The following ANGPT4 variants were observed in gnomAD, a reference collection of about 807,000 sequenced individuals.
ANGPT4 encodes the protein angiopoietin-4.
A neutral mutation model predicts 53.0 loss-of-function variants in ANGPT4; 50 were observed. The ratio of observed to expected loss-of-function variants is 0.94; its 90% CI spans 0.75 to 1.20. The LOEUF (loss-of-function observed/expected upper bound fraction) is 1.20, where lower values mean the gene tolerates loss of function less well. Among genes scored for constraint, ANGPT4 ranks in the 50% most tolerant of loss-of-function variants. The pLI is 0.00. For missense variants in ANGPT4, 648 were observed against 637.1 expected (o/e 1.02, Z -0.18); for synonymous variants, 251 against 259.7 (o/e 0.97, Z 0.32).
rs966864968 is a variant in ANGPT4, at chr20:902,341, A to T, written c.310-11973T>A. On this transcript the variant is annotated intron_variant, in intron 1 of 8. Transcript: ENST00000381922. ...TTCAAGGAACCTGTAAACTTGCATT[A>T]AAAAAAAAAGGACATGCTTTTCCCA... 1.0e-4 allele frequency among the ~76,000 whole-genome samples: 14 copies of T among 134,652 alleles called. 1 individual carries two copies. The highest frequency in any genetic ancestry group is 1.5e-5 in the Non-Finnish European group (1 of 66,266). The allele number at this position is 134,652 out of a possible 152,430, so 88.3% of individuals were successfully genotyped here. A position where few individuals can be genotyped will look rare whatever the true frequency, so the allele number is the denominator to read the frequency against.
chr20:885,319 G>A lies in ANGPT4; in HGVS notation c.594C>T (p.Leu198=), dbSNP rs952622950. 3 of 1,580,482 alleles carry A rather than the reference G, an allele frequency of 1.9e-6. No individual in the cohort carries two copies. The highest frequency in any genetic ancestry group is 2.3e-5 in the South Asian group (2 of 87,692). Residue 198 remains leucine, a synonymous_variant, in exon 4 of 9, where the codon CTC becomes CTT. Coordinates refer to ENST00000381922, the MANE Select transcript of ANGPT4 (RefSeq NM_015985.4). ...TCTCCAGGGCCTGCAACCGCTTCTC[G>A]AGCGCGCTGCGGGGTAGGGGGCGCA... ...LQQLQGQNSA[L]EKRLQALETK... is the part of the protein sequence containing the mutation.
chr20:893,296 C>T (rs370491790), intron 1 of ANGPT4, among the ~76,000 whole-genome samples: 5 of 152,204 alleles, frequency 3.3e-5, no homozygotes, highest in South Asian at 2.1e-4. Context: ...CACACTCTTA[C>T]GGTATCTTAA....
At chr20:910,374 C>T (rs1348923450) in intron 1 of ANGPT4, among the ~76,000 whole-genome samples, 2 of 152,250 alleles carry the variant, frequency 1.3e-5, no homozygotes, top group South Asian at 2.1e-4. Context: ...CTGGGAGGCA[C>T]GAGTATTTTG....
At chr20:882,366 G>A (rs956988916) in intron 4 of ANGPT4, among the ~76,000 whole-genome samples, 1 of 152,178 alleles carries the variant, frequency 6.6e-6, no homozygotes, top group Admixed American at 6.5e-5. Flanking sequence ...CCAGGATGGG[G>A]CTAAAATTCC....
chr20:905,218 C>G (rs992284773), intron 1 of ANGPT4, among the ~76,000 whole-genome samples: 7 of 152,200 alleles, frequency 4.6e-5, no homozygotes, highest in Non-Finnish European at 7.3e-5. Flanking sequence ...GTACTTCATG[C>G]CATCTGAAAT....
At chr20:879,461 C>T (rs745924075) in intron 6 of ANGPT4, among the ~76,000 whole-genome samples, 19 of 151,982 alleles carry the variant, frequency 1.3e-4, no homozygotes, top group Admixed American at 5.2e-4. Context: ...TATTCTGTCT[C>T]CTCCTTTGTA....
At chr20:888,560 C>A (rs1600051693) in intron 2 of ANGPT4, 121 bp from the exon 3 acceptor site, 4 of 1,453,324 alleles carry the variant, frequency 2.8e-6, no homozygotes, top group South Asian at 2.8e-5. Context: ...CTCTCCCAGT[C>A]GTAGTTCCTG....
chr20:881,302 A>C lies in ANGPT4; in HGVS notation c.836-16T>G, dbSNP rs1262434090. On this transcript the variant is annotated splice_polypyrimidine_tract_variant and intron_variant, in intron 4 of 8. Transcript: ENST00000381922. Reference sequence around the variant, plus strand: ...ATTATGAAGGCTGCAAAGGGACAACACAAAAGTCAGTTGGAGGTGGGCAAG... The same window carrying C: ...ATTATGAAGGCTGCAAAGGGACAACCCAAAAGTCAGTTGGAGGTGGGCAAG... 2 of 1,611,870 alleles carry C rather than the reference A, an allele frequency of 1.2e-6. No homozygotes were observed. The highest frequency in any genetic ancestry group is 8.5e-7 in the Non-Finnish European group (1 of 1,177,956).
At position 872,471 on chromosome 20, in the gene ANGPT4, T is replaced by G. The variant is rs527348171; in HGVS notation, c.*489A>C. The G allele has an allele frequency of 6.4e-6, 1 of 155,850 alleles. No homozygotes were observed. The highest frequency in any genetic ancestry group is 1.9e-4 in the East Asian group (1 of 5,236). 9.7% of individuals were successfully genotyped at this position (155,850 alleles called of 1,614,324 possible). A position where few individuals can be genotyped will look rare whatever the true frequency, so the allele number is the denominator to read the frequency against. On this transcript the variant is annotated 3_prime_UTR_variant, in exon 9 of 9. Transcript: ENST00000381922. ...CCCACTAAGGGGTGGATGCAGCCCCTTCAGACTTGAAAAGAAAGTTCAAGG... is the reference window on the plus strand; with the variant it reads ...CCCACTAAGGGGTGGATGCAGCCCCGTCAGACTTGAAAAGAAAGTTCAAGG...
intron 1 of ANGPT4, among the ~76,000 whole-genome samples, chr20:910,286 T>C (rs1982647907): frequency 6.6e-6 from 1 of 152,186 alleles, no homozygotes; most frequent in Non-Finnish European, 1.5e-5. Flanking sequence ...CCTAGGACAG[T>C]GTGTGGCATA....
chr20:899,577 C>A (rs550349616), intron 1 of ANGPT4, among the ~76,000 whole-genome samples: 14 of 152,064 alleles, frequency 9.2e-5, no homozygotes, highest in African/African-American at 3.1e-4. Context: ...TTTATGCACT[C>A]TTTTTTAATT....
chr20:904,123 C>A (rs1982391022), intron 1 of ANGPT4, among the ~76,000 whole-genome samples: 1 of 152,164 alleles, frequency 6.6e-6, no homozygotes, highest in African/African-American at 2.4e-5. Context: ...GTGATATAAA[C>A]ACATTGTTCA....
At chr20:910,923 C>A (rs962021023) in intron 1 of ANGPT4, among the ~76,000 whole-genome samples, 1 of 151,870 alleles carries the variant, frequency 6.6e-6, no homozygotes, top group Admixed American at 6.6e-5. Context: ...TCATCCCATT[C>A]CTCTAAGAAG....
chr20:899,313 T>C (rs982716506), intron 1 of ANGPT4, among the ~76,000 whole-genome samples: 1 of 151,828 alleles, frequency 6.6e-6, no homozygotes, highest in Non-Finnish European at 1.5e-5. Context: ...AGTGGCGCGA[T>C]CTCGGCTCAC....
intron 1 of ANGPT4, among the ~76,000 whole-genome samples, chr20:903,389 C>A (rs1390385346): frequency 6.6e-6 from 1 of 152,098 alleles, no homozygotes; most frequent in Non-Finnish European, 1.5e-5. Context: ...CCACTTCTGC[C>A]CAACCTTGCC....
At position 916,193 on chromosome 20, in the gene ANGPT4, G is replaced by A; in HGVS notation, c.22C>T (p.Leu8=). The part of the protein sequence containing the change: MLSQLAM[L]QGSLLLVVAT... ...ACCACAAGGAGGAGGCTGCCCTGCA[G>A]CATGGCTAGCTGGGAGAGCATCTGA... Residue 8 remains leucine, a synonymous_variant, in exon 1 of 9, where the codon CTG becomes TTG. Coordinates refer to ENST00000381922, the MANE Select transcript of ANGPT4 (RefSeq NM_015985.4). The A allele has an allele frequency of 1.2e-6, 2 of 1,613,346 alleles. No individual in the cohort carries two copies. The highest frequency in any genetic ancestry group is 1.3e-5 in the African/African-American group (1 of 75,064).
At chr20:887,880 AAAG>A (rs1981674247) in intron 3 of ANGPT4, among the ~76,000 whole-genome samples, 2 of 143,576 alleles carry the variant, frequency 1.4e-5, no homozygotes, top group South Asian at 4.5e-4. Flanking sequence ...GAGATAAATA[AAAG>A]AAGGAGGAAG....
chr20:885,032 C>T (rs753325845), intron 4 of ANGPT4, 46 bp downstream of exon 4: 56 of 1,609,880 alleles, frequency 3.5e-5, no homozygotes, highest in Non-Finnish European at 4.5e-5. Flanking sequence ...CCCCTCCCCT[C>T]TCCTGCCCGT....
At chr20:887,767 T>A (rs1025625045) in intron 3 of ANGPT4, among the ~76,000 whole-genome samples, 1 of 151,916 alleles carries the variant, frequency 6.6e-6, no homozygotes, top group Non-Finnish European at 1.5e-5. Context: ...GAATCGTAGA[T>A]AGCACCAGAT....
Sources: gnomAD v4.1 joint callset for allele counts (sites outside exome capture counted in the v4.1 genomes callset) on GRCh38, gnomAD v4.1.1 for gene constraint, MANE v1.5 for transcripts, NCBI Gene and HGNC (gene_info 2026-07-23, HGNC 2026-07-21) for gene names.